SEMA3D: variants seen among roughly 807,000 people sequenced by gnomAD.
SEMA3D encodes semaphorin 3D.
In SEMA3D, 84 loss-of-function variants were observed where a neutral mutation model predicts 100.1. The ratio of observed to expected loss-of-function variants is 0.84; its 90% confidence interval spans 0.70 to 1.01. The LOEUF (loss-of-function observed/expected upper bound fraction) is 1.01. Among genes scored for constraint, SEMA3D ranks in the 50% least tolerant of loss-of-function variants. The pLI, the probability that SEMA3D is intolerant of heterozygous loss-of-function variation, is 0.00. For synonymous variants in SEMA3D, 312 were observed against 320.7 expected, an observed-to-expected ratio of 0.97 and a Z score of 0.29; for missense variants, 875 against 934.1, an observed-to-expected ratio of 0.94 and a Z score of 0.82.
intron 13 of SEMA3D, among the ~76,000 whole-genome samples, chr7:85,021,634 G>A (rs949682348): frequency 6.6e-6 from 1 of 151,546 alleles, no homozygotes; most frequent in African/African-American, 2.4e-5. Context: ...AAAAAGTCTT[G>A]TTTGTTGAAA....
chr7:84,999,971 C>T (rs1218118490), intron 18 of SEMA3D, 106 bp from the exon 19 acceptor site: 4 of 853,074 alleles, frequency 4.7e-6, no homozygotes, highest in Non-Finnish European at 7.2e-6. Flanking sequence ...AAGACATATT[C>T]ATTGTCTCTC....
intron 5 of SEMA3D, among the ~76,000 whole-genome samples, chr7:85,077,727 G>C (rs561872931): frequency 7.9e-5 from 12 of 151,994 alleles, no homozygotes; most frequent in Non-Finnish European, 1.5e-4. Context: ...TGGTATAATA[G>C]GTAAATACAC....
At chr7:85,160,492 C>T (rs1249575803) in intron 1 of SEMA3D, among the ~76,000 whole-genome samples, 2 of 152,054 alleles carry the variant, frequency 1.3e-5, no homozygotes, top group Admixed American at 1.3e-4. Flanking sequence ...AAAGAATTAG[C>T]CAGAAGGCAG....
intron 1 of SEMA3D, among the ~76,000 whole-genome samples, chr7:85,158,508 T>A (rs1282987675): frequency 6.6e-6 from 1 of 152,198 alleles, no homozygotes; most frequent in Non-Finnish European, 1.5e-5. Flanking sequence ...TAGTTCCTGA[T>A]AAGATGTTAT....
At chr7:85,126,538 G>A (rs950868980) in intron 2 of SEMA3D, among the ~76,000 whole-genome samples, 51 of 151,810 alleles carry the variant, frequency 3.4e-4, no homozygotes. Flanking sequence ...ACTTGAGAAT[G>A]TTTTTTACCC....
intron 1 of SEMA3D, among the ~76,000 whole-genome samples, chr7:85,158,768 C>G (rs182466187): frequency 6.6e-6 from 1 of 152,114 alleles, no homozygotes; most frequent in African/African-American, 2.4e-5. Context: ...TCTGGACACT[C>G]AGCTTTAAAA....
intron 2 of SEMA3D, among the ~76,000 whole-genome samples, chr7:85,151,014 C>T (rs909969772): frequency 6.6e-6 from 1 of 151,614 alleles, no homozygotes; most frequent in Non-Finnish European, 1.5e-5. Context: ...TATTTAAAAG[C>T]TTAATATCAC....
chr7:85,127,716 T>C (rs1789605854), intron 2 of SEMA3D, among the ~76,000 whole-genome samples: 1 of 152,156 alleles, frequency 6.6e-6, no homozygotes, highest in Admixed American at 6.6e-5. Context: ...AATTTGCTCT[T>C]CAAAGCAGCA....
At chr7:85,142,889 C>G in intron 2 of SEMA3D, 1 of 984,742 alleles carries the variant, frequency 1.0e-6, no homozygotes, top group Non-Finnish European at 1.2e-6. Context: ...TGAGCCATAT[C>G]CATGAGTTGA....
At chr7:85,194,450 T>C in the SEMA3D span, among the ~76,000 whole-genome samples, 1 of 152,192 alleles carries the variant, frequency 6.6e-6, no homozygotes, top group Admixed American at 6.5e-5. Flanking sequence ...CTGTATTTAT[T>C]GATAAAATTT....
At chr7:85,083,975 G>A (rs1583906620) in intron 4 of SEMA3D, among the ~76,000 whole-genome samples, 1 of 150,712 alleles carries the variant, frequency 6.6e-6, no homozygotes, top group African/African-American at 2.4e-5. Context: ...GTGAAACTCT[G>A]TCTCTATTAA....
chr7:85,108,568 G>T (rs763066480), intron 3 of SEMA3D, among the ~76,000 whole-genome samples: 1 of 152,002 alleles, frequency 6.6e-6, no homozygotes, highest in Non-Finnish European at 1.5e-5. Flanking sequence ...TTTCAAACAA[G>T]ATTTCAGATT....
intron 2 of SEMA3D, among the ~76,000 whole-genome samples, chr7:85,146,723 G>A (rs539731871): frequency 1.1e-4 from 17 of 152,042 alleles, no homozygotes; most frequent in South Asian, 2.1e-4. Context: ...CCAGTCTTCC[G>A]TTTACAAATA....
At position 85,036,940 on chromosome 7, in the gene SEMA3D, G is replaced by T; in HGVS notation, c.1140C>A (p.Asp380Glu). 2 of 1,613,332 alleles carry T rather than the reference G, an allele frequency of 1.2e-6. No individual in the cohort carries two copies. The highest frequency in any genetic ancestry group is 1.1e-5 in the South Asian group (1 of 91,042). The change falls in exon 12 of 19, where the codon GAC becomes GAA. Residue 380 changes from aspartate (D) to glutamate (E), a missense_variant. Coordinates refer to ENST00000284136, the MANE Select transcript of SEMA3D (RefSeq NM_001384900.1). ...TCCCATCATACTGCACCCAACGATG[G>T]TCTGCACTTTCCTTATGAGCATATG... ...NGPYAHKESADHRWVQYDGRI... is the reference protein window; with the variant it reads ...NGPYAHKESAEHRWVQYDGRI...
the SEMA3D span, among the ~76,000 whole-genome samples, chr7:85,198,848 G>A: frequency 4.1e-5 from 5 of 121,560 alleles, no homozygotes; most frequent in African/African-American, 9.1e-5. Context: ...TTTTTTTCAA[G>A]GGTTTTCTAT....
chr7:85,108,025 T>C (rs965239081), intron 3 of SEMA3D, among the ~76,000 whole-genome samples: 7 of 152,030 alleles, frequency 4.6e-5, no homozygotes, highest in African/African-American at 1.7e-4. Flanking sequence ...CAACATATGC[T>C]TCATTGAATA....
At chr7:85,093,102 T>A (rs1441707703) in intron 4 of SEMA3D, among the ~76,000 whole-genome samples, 2 of 152,072 alleles carry the variant, frequency 1.3e-5, no homozygotes, top group Non-Finnish European at 2.9e-5. Context: ...ACTTTTATGT[T>A]TCCCTTGGGT....
chr7:85,043,003 T>C (rs549393790), intron 9 of SEMA3D, among the ~76,000 whole-genome samples: 2 of 152,304 alleles, frequency 1.3e-5, no homozygotes, highest in African/African-American at 4.8e-5. Flanking sequence ...TTTATAGGCT[T>C]AAAAGTCTTT....
At chr7:85,055,632 G>C (rs1293138948) in intron 9 of SEMA3D, 85 bp downstream of exon 9, 1 of 217,020 alleles carries the variant, frequency 4.6e-6, no homozygotes, top group East Asian at 1.3e-4. Flanking sequence ...CCTTGCCAAA[G>C]TTTTTTCATA....
Sources: allele counts gnomAD v4.1 joint callset (sites outside exome capture counted in the v4.1 genomes callset), GRCh38; gene constraint gnomAD v4.1.1; transcripts MANE v1.5; gene names NCBI Gene and HGNC (gene_info 2026-07-23, HGNC 2026-07-21).